The following BRD3 variants were observed in gnomAD, a reference collection of about 807,000 sequenced individuals.
BRD3 encodes bromodomain containing 3, also known as bromodomain-containing protein 3.
BRD3 carries 17 observed loss-of-function variants against 66.8 expected under a neutral mutation model. That is an observed-to-expected ratio of 0.25 (90% CI 0.17 to 0.38). The LOEUF is 0.38. BRD3 is among the 10% of genes least tolerant of loss of function. The probability of loss-of-function intolerance (pLI) is 1.00; values close to 1 mark genes in which losing one functional copy is unlikely to be tolerated. For missense variants in BRD3, 713 were observed against 956.1 expected, an observed-to-expected ratio of 0.75 and a Z score of 3.35; for synonymous variants, 421 against 393.2, an observed-to-expected ratio of 1.07 and a Z score of -0.84.
In BRD3 at chr9:134,045,466, T is replaced by C. The variant is rs376125796; in HGVS notation, c.1087-45A>G. The C allele has an allele frequency of 3.2e-4, 512 of 1,610,458 alleles. No homozygotes were observed. The highest frequency in any genetic ancestry group is 4.1e-4 in the Non-Finnish European group (486 of 1,178,314). On this transcript the variant is annotated intron_variant, in intron 6 of 11. Transcript: ENST00000303407. This position sits in a 1 kb window ranked among gnomAD's most constrained non-coding sequence, Gnocchi z 4.8. Reference sequence around the variant, plus strand: ...GGGCCAGTGAGCGTGGCCCGTGGCATCAGGACTCTCTGCCACACCCCACGA... The same window carrying C: ...GGGCCAGTGAGCGTGGCCCGTGGCACCAGGACTCTCTGCCACACCCCACGA...
chr9:134,047,976 C>T (rs1830211017), intron 6 of BRD3, 107 bp downstream of exon 6: 4 of 1,395,480 alleles, frequency 2.9e-6, no homozygotes, highest in Non-Finnish European at 2.8e-6. Flanking sequence ...CTCCGGCAAG[C>T]GAGACCCTGC....
At chr9:134,064,245 C>T (rs1006846248) in intron 1 of BRD3, among the ~76,000 whole-genome samples, 5 of 152,156 alleles carry the variant, frequency 3.3e-5, no homozygotes, top group Admixed American at 6.5e-5. Flanking sequence ...AAAGAGCTCT[C>T]GGTCAGGCAT....
At chr9:134,053,665 C>G in intron 1 of BRD3, 75 bp from the exon 2 acceptor site, 3 of 1,331,294 alleles carry the variant, frequency 2.3e-6, no homozygotes, top group Non-Finnish European at 2.0e-6. Flanking sequence ...CCTCGGCGGG[C>G]TCCTGAGGGC....
At chr9:134,037,835 C>A (rs1006548929) in intron 9 of BRD3, among the ~76,000 whole-genome samples, 2 of 152,200 alleles carry the variant, frequency 1.3e-5, no homozygotes, top group African/African-American at 4.8e-5. Flanking sequence ...GAAAAAGACA[C>A]ATCACTACAG....
Position 134,053,291 on chromosome 9 carries a change from C to T in BRD3, c.187G>A (p.Val63Met), listed in dbSNP as rs1425881203. The change falls in exon 2 of 12, where the codon GTG becomes ATG. Residue 63 changes from valine to methionine, a missense_variant. Physicochemically the swap from Val to Met is conservative, Grantham distance 21. Transcript: ENST00000303407. ...GGCAGGTTCAATTTGATTGCGTCCA[C>T]GGGCTGGTAGAAGGGCCAGGCGAAC... ...HQFAWPFYQP[V>M]DAIKLNLPDY... 6.2e-7 allele frequency: 1 copy of T among 1,613,228 alleles called. No homozygotes were observed. Among genetic ancestry groups the T allele is most frequent in the African/African-American group, 1.3e-5 (1 of 74,880 alleles).
Position 134,031,579 on chromosome 9 carries a change from C to T in BRD3, c.*2011G>A, listed in dbSNP as rs558909224. The T allele has an allele frequency of 1.8e-4, 38 of 208,802 alleles. No individual in the cohort carries two copies. The highest frequency in any genetic ancestry group is 1.4e-4 in the Non-Finnish European group (14 of 102,724). The allele number at this position is 208,802 out of a possible 1,614,324, so 12.9% of individuals were successfully genotyped here. The stretch of plus-strand genomic sequence containing the variant: ...AAACAAAACTTAATTAAAAGTTTAA[C>T]AAACTGGCTGAAAACTCACCAAGTG... On this transcript the variant is annotated 3_prime_UTR_variant, in exon 12 of 12. Transcript: ENST00000303407.
chr9:134,040,006 T>C, intron 9 of BRD3, 28 bp downstream of exon 9: 1 of 1,567,972 alleles, frequency 6.4e-7, no homozygotes, highest in Non-Finnish European at 8.6e-7. Flanking sequence ...CGCTGGGCTC[T>C]TGGAGCCCGA....
upstream of BRD3, chr9:134,068,502 G>A (rs1284808584): frequency 6.6e-6 from 1 of 150,442 alleles, no homozygotes; most frequent in African/African-American, 2.4e-5. Context: ...GGGAGCCCGT[G>A]TTTGTAAACA....
rs1381769455 is a variant in BRD3 at position 134,040,020 on chromosome 9, G to A, written c.1643+14C>T. The A allele has an allele frequency of 6.3e-7, 1 of 1,579,874 alleles. No individual in the cohort carries two copies. The highest frequency in any genetic ancestry group is 8.6e-7 in the Non-Finnish European group (1 of 1,166,654). ...GCGCTGGGCTCTTGGAGCCCGAGCA[G>A]GTCTGGAGCCCACCTGCCGGCCGTG... On this transcript the variant is annotated intron_variant, in intron 9 of 11. Coordinates refer to ENST00000303407, the MANE Select transcript of BRD3 (RefSeq NM_007371.4).
intron 4 of BRD3, 35 bp downstream of exon 4, chr9:134,051,527 A>G (rs746984231): frequency 1.3e-6 from 2 of 1,488,580 alleles, no homozygotes; most frequent in African/African-American, 2.9e-5. Flanking sequence ...CTCTGCAGAG[A>G]GGCCCAGCCC....
At chr9:134,051,493 G>A (rs556375317) in intron 4 of BRD3, 69 bp downstream of exon 4, 25 of 1,422,216 alleles carry the variant, frequency 1.8e-5, no homozygotes, top group East Asian at 2.7e-5. Flanking sequence ...AAAGGATCGC[G>A]TCCCAGCCCA....
In BRD3 at chr9:134,063,588, G is replaced by A. The variant is rs545918565; in HGVS notation, c.-114+4357C>T. Among the ~76,000 whole-genome samples the A allele has an allele frequency of 2.6e-4, 40 of 152,250 alleles. 2 individuals are homozygous for A. The South Asian group carries it at 5.4e-3, about 21-fold the overall frequency. The stretch of plus-strand genomic sequence containing the variant: ...AATACTCAGCACTCCTGCAGGGGCC[G>A]GGCACCTCACACAGATGCATCTGTG... On this transcript the variant is annotated intron_variant, in intron 1 of 11. Transcript: ENST00000303407.
chr9:134,046,611 C>T (rs1196092208), intron 6 of BRD3, among the ~76,000 whole-genome samples: 2 of 152,174 alleles, frequency 1.3e-5, no homozygotes, highest in African/African-American at 4.8e-5. Flanking sequence ...GCTAGTTTTC[C>T]GTTTTAGCAT....
intron 9 of BRD3, among the ~76,000 whole-genome samples, chr9:134,037,580 T>A (rs1253537940): frequency 3.9e-5 from 6 of 151,928 alleles, no homozygotes; most frequent in Non-Finnish European, 8.8e-5. Context: ...CAAAAAAATT[T>A]AAAAAATAAA....
At chr9:134,068,543 G>C (rs1241231700), upstream of BRD3, 1 of 150,402 alleles carries the variant, frequency 6.6e-6, no homozygotes, top group Non-Finnish European at 1.5e-5. Flanking sequence ...TGGCGGGAGC[G>C]CGCGCGCGGG....
intron 4 of BRD3, among the ~76,000 whole-genome samples, 190 bp downstream of exon 4, chr9:134,051,372 C>T (rs1830290927): frequency 6.6e-6 from 1 of 152,240 alleles, no homozygotes; most frequent in Non-Finnish European, 1.5e-5. Context: ...GCGTTAATGT[C>T]TTCCGTATCC....
intron 10 of BRD3, 125 bp downstream of exon 10, chr9:134,035,907 G>C (rs1829897655): frequency 3.0e-6 from 4 of 1,318,800 alleles, no homozygotes; most frequent in Non-Finnish European, 4.1e-6. Flanking sequence ...TGGGACGAAG[G>C]AGCCAAGACA....
chr9:134,048,798 G>A lies in BRD3; in HGVS notation c.715-344C>T, dbSNP rs965311612. Among the ~76,000 whole-genome samples the A allele has an allele frequency of 2.0e-5, 3 of 152,282 alleles. No homozygotes were observed. The East Asian group carries it at 5.8e-4, about 29-fold the overall frequency. ...CCATGTGAGGTGCTGCATGCAATTC[G>A]CCAGACACCTAACAAGCACCCAGAC... On this transcript the variant is annotated intron_variant, in intron 5 of 11. Coordinates refer to ENST00000303407, the MANE Select transcript of BRD3 (RefSeq NM_007371.4).
rs1192111084 is a variant in BRD3, at chr9:134,031,598, C to A, written c.*1992G>T. The A allele has an allele frequency of 9.5e-6, 2 of 211,580 alleles. No individual in the cohort carries two copies. Among genetic ancestry groups the A allele is most frequent in the Non-Finnish European group, 1.9e-5 (2 of 104,548 alleles). The allele number at this position is 211,580 out of a possible 1,614,324, so 13.1% of individuals were successfully genotyped here. On this transcript the variant is annotated 3_prime_UTR_variant, in exon 12 of 12. Coordinates refer to ENST00000303407, the MANE Select transcript of BRD3 (RefSeq NM_007371.4). The stretch of plus-strand genomic sequence containing the variant: ...GTTTAACAAACTGGCTGAAAACTCA[C>A]CAAGTGTCAGACTCACCAGCAATTT...
Sources: allele counts gnomAD v4.1 joint callset (sites outside exome capture counted in the v4.1 genomes callset), GRCh38; gene constraint gnomAD v4.1.1; non-coding constraint Gnocchi (gnomAD v3.1); transcripts MANE v1.5; gene names NCBI Gene and HGNC (gene_info 2026-07-23, HGNC 2026-07-21).